The following ATP8B4 variants were observed in gnomAD, a reference collection of about 807,000 sequenced individuals.
The protein encoded by ATP8B4 is probable phospholipid-transporting ATPase IM.
Under a neutral mutation model 145.6 loss-of-function variants are expected in ATP8B4, and 133 were observed. That is an observed-to-expected ratio of 0.91 (90% CI 0.79 to 1.05). The LOEUF (loss-of-function observed/expected upper bound fraction) is 1.05. Ranked by LOEUF, ATP8B4 falls within the 50% of genes least tolerant of loss-of-function variation. ATP8B4 has a pLI of 0.00. For synonymous variants in ATP8B4, 507 were observed against 492.9 expected, an observed-to-expected ratio of 1.03 and a Z score of -0.38; for missense variants, 1,458 against 1,425.2, an observed-to-expected ratio of 1.02 and a Z score of -0.37.
chr15:50,092,477 A>G (rs1482346092), intron 2 of ATP8B4, among the ~76,000 whole-genome samples: 1 of 152,118 alleles, frequency 6.6e-6, no homozygotes, highest in Non-Finnish European at 1.5e-5. Context: ...ACTGATTAAC[A>G]TGTACATTAA....
intron 16 of ATP8B4, among the ~76,000 whole-genome samples, chr15:49,927,780 T>C (rs887385621): frequency 6.6e-6 from 1 of 152,220 alleles, no homozygotes; most frequent in East Asian, 1.9e-4. Flanking sequence ...AAATAGAAGA[T>C]AGCTCCTGCT....
At position 49,931,158 on chromosome 15, in the gene ATP8B4, A is replaced by C; in HGVS notation, c.1603T>G (p.Leu535Val). Residue 535 changes from leucine (L) to valine (V), a missense_variant, in exon 16 of 28, where the codon TTG becomes GTG. Physicochemically the swap from Leu to Val is conservative, Grantham distance 32. Coordinates refer to ENST00000284509, the MANE Select transcript of ATP8B4 (RefSeq NM_024837.4). ...TLVTYQLLAF[L>V]DFNNTRKRMS... is the part of the protein sequence containing the mutation. ...CTTTTTCTGGTGTTGTTGAAATCCA[A>C]AAAGGCAAGTAATTGATAAGTAACT... 1 of 1,612,276 alleles carries C rather than the reference A, an allele frequency of 6.2e-7. No individual in the cohort carries two copies.
chr15:50,144,333 C>G (rs1472673110), intron 1 of ATP8B4, among the ~76,000 whole-genome samples: 1 of 152,088 alleles, frequency 6.6e-6, no homozygotes, highest in Non-Finnish European at 1.5e-5. Flanking sequence ...TGTATTAGTC[C>G]ATTTTTCACA....
intron 6 of ATP8B4, among the ~76,000 whole-genome samples, chr15:50,024,014 C>T (rs1308135116): frequency 6.6e-6 from 1 of 151,858 alleles, no homozygotes; most frequent in African/African-American, 2.4e-5. Context: ...AAATTAGGTT[C>T]TATTATTTTT....
At chr15:49,956,573 T>C (rs1290493790) in intron 14 of ATP8B4, among the ~76,000 whole-genome samples, 3 of 152,134 alleles carry the variant, frequency 2.0e-5, no homozygotes, top group African/African-American at 7.2e-5. Context: ...AGACAGAGTA[T>C]CACTCTCACC....
chr15:50,012,817 G>T (rs914510175), intron 6 of ATP8B4, among the ~76,000 whole-genome samples: 5 of 152,128 alleles, frequency 3.3e-5, no homozygotes, highest in African/African-American at 1.2e-4. Context: ...CCTCTGATTT[G>T]AATATATCCC....
chr15:50,040,430 A>G (rs1244480225), intron 5 of ATP8B4, among the ~76,000 whole-genome samples: 1 of 152,102 alleles, frequency 6.6e-6, no homozygotes, highest in Non-Finnish European at 1.5e-5. Context: ...GAATGATCCC[A>G]TCATTATTAA....
At chr15:50,103,779 G>T (rs1336248211) in intron 2 of ATP8B4, among the ~76,000 whole-genome samples, 3 of 151,968 alleles carry the variant, frequency 2.0e-5, no homozygotes, top group Non-Finnish European at 4.4e-5. Flanking sequence ...GCCAAAGCAA[G>T]ACTAAGCAAA....
intron 13 of ATP8B4, among the ~76,000 whole-genome samples, chr15:49,963,164 A>G (rs1034914129): frequency 3.3e-5 from 5 of 152,244 alleles, no homozygotes; most frequent in African/African-American, 1.2e-4. Flanking sequence ...AAAATATGAA[A>G]AAAAGCTTAA....
intron 26 of ATP8B4, 144 bp downstream of exon 26, chr15:49,866,202 G>T: frequency 8.5e-7 from 1 of 1,169,780 alleles, no homozygotes. Flanking sequence ...TTTTAAACTC[G>T]GAAGCCTTCA....
intron 15 of ATP8B4, among the ~76,000 whole-genome samples, chr15:49,932,208 G>T (rs978687236): frequency 5.3e-5 from 8 of 151,624 alleles, no homozygotes; most frequent in African/African-American, 1.9e-4. Context: ...AGTTCTTTTT[G>T]TTAAAAAGAA....
chr15:49,869,009 A>C (rs748785757), intron 25 of ATP8B4, among the ~76,000 whole-genome samples: 1 of 152,102 alleles, frequency 6.6e-6, no homozygotes, highest in Non-Finnish European at 1.5e-5. Context: ...CCTGGGTTCA[A>C]GCGATTCTCC....
chr15:49,983,600 C>T (rs1419439922), intron 10 of ATP8B4, among the ~76,000 whole-genome samples: 1 of 152,196 alleles, frequency 6.6e-6, no homozygotes, highest in East Asian at 1.9e-4. Flanking sequence ...CCTTCCCAAC[C>T]CCAGGACCTG....
At chr15:50,056,341 T>C (rs1209186186) in intron 3 of ATP8B4, among the ~76,000 whole-genome samples, 1 of 152,112 alleles carries the variant, frequency 6.6e-6, no homozygotes, top group Non-Finnish European at 1.5e-5. Flanking sequence ...TGTATGTTAG[T>C]TGTGGAGAGA....
intron 9 of ATP8B4, among the ~76,000 whole-genome samples, chr15:49,988,980 T>C (rs2153544631): frequency 6.6e-6 from 1 of 152,264 alleles, no homozygotes; most frequent in Non-Finnish European, 1.5e-5. Context: ...CCACCTGTCT[T>C]TCCCCAATAT....
chr15:49,919,668 C>A (rs1391286036), intron 18 of ATP8B4, among the ~76,000 whole-genome samples: 2 of 152,264 alleles, frequency 1.3e-5, no homozygotes, highest in South Asian at 2.1e-4. Flanking sequence ...CCGCCCACCT[C>A]GGCCTCCTGA....
At chr15:50,020,277 T>G (rs2049441739) in intron 6 of ATP8B4, among the ~76,000 whole-genome samples, 1 of 151,304 alleles carries the variant, frequency 6.6e-6, no homozygotes, top group South Asian at 2.1e-4. Flanking sequence ...TTTGTTTTTT[T>G]TTTTTTTTAG....
chr15:49,865,783 T>C (rs991302276), intron 26 of ATP8B4, among the ~76,000 whole-genome samples: 3 of 152,188 alleles, frequency 2.0e-5, no homozygotes, highest in African/African-American at 7.2e-5. Context: ...AAGAAGAAAC[T>C]TGCCCAAAGT....
At chr15:50,031,340 T>G (rs985263359) in intron 6 of ATP8B4, among the ~76,000 whole-genome samples, 2 of 152,158 alleles carry the variant, frequency 1.3e-5, no homozygotes, top group African/African-American at 4.8e-5. Flanking sequence ...ACCATCATAA[T>G]GTATACGTAA....
Sources: allele counts gnomAD v4.1 joint callset (sites outside exome capture counted in the v4.1 genomes callset), GRCh38; gene constraint gnomAD v4.1.1; transcripts MANE v1.5; gene names NCBI Gene and HGNC (gene_info 2026-07-23, HGNC 2026-07-21).